Variants in PALS1 observed in about 807,000 individuals in gnomAD.
PALS1 encodes the protein protein PALS1.
In PALS1, 31 loss-of-function variants were observed where a neutral mutation model predicts 78.9. The observed-to-expected ratio is 0.39, with a 90% CI of 0.30 to 0.53. The LOEUF is 0.53. Among genes scored for constraint, PALS1 ranks in the 20% least tolerant of loss-of-function variants. The pLI, the probability that PALS1 is intolerant of heterozygous loss-of-function variation, is 0.67. For missense variants in PALS1, 704 were observed against 826.5 expected (o/e 0.85, Z 1.82); for synonymous variants, 276 against 270.9 (o/e 1.02, Z -0.18).
At chr14:67,267,320 G>A (rs1206617044) in intron 1 of PALS1, among the ~76,000 whole-genome samples, 4 of 151,902 alleles carry the variant, frequency 2.6e-5, no homozygotes, top group African/African-American at 9.7e-5. Flanking sequence ...GTGCAATGGT[G>A]CAATCTTGGC....
chr14:67,313,561 A>G (rs1046919126), intron 9 of PALS1, among the ~76,000 whole-genome samples: 1 of 152,182 alleles, frequency 6.6e-6, no homozygotes, highest in Non-Finnish European at 1.5e-5. Flanking sequence ...AAGAAAGGAG[A>G]GCAGAACTAA....
intron 1 of PALS1, among the ~76,000 whole-genome samples, chr14:67,259,515 G>A (rs1595566159): frequency 6.6e-6 from 1 of 152,222 alleles, no homozygotes; most frequent in East Asian, 1.9e-4. Flanking sequence ...AGGAGGCTGA[G>A]GCAGGAGAAT....
At position 67,334,770 on chromosome 14, in the gene PALS1, A is replaced by G. The variant is rs557098745; in HGVS notation, c.*1814A>G. ...AGAGCCAGGAAATTTCACAGGTCAC[A>G]CCGATTTTTAGCATTAAAAACTAAG... On this transcript the variant is annotated 3_prime_UTR_variant, in exon 15 of 15. Coordinates refer to ENST00000261681, the MANE Select transcript of PALS1 (RefSeq NM_022474.4). 1 of 152,326 alleles carries G rather than the reference A, an allele frequency of 6.6e-6. No homozygotes were observed. The highest frequency in any genetic ancestry group is 2.4e-5 in the African/African-American group (1 of 41,582). 9.4% of individuals were successfully genotyped at this position (152,326 alleles called of 1,614,324 possible).
chr14:67,258,114 G>A lies in PALS1; in HGVS notation c.-236-11587G>A, dbSNP rs117661786. On this transcript the variant is annotated intron_variant, in intron 1 of 14. Transcript: ENST00000261681. ...TAAATATTCAAATTTAATGCAGCAC[G>A]TATTGAGTTTCTAATATGAGCATAC... is the stretch of plus-strand genomic sequence containing the variant. 4.3e-3 allele frequency among the ~76,000 whole-genome samples: 657 copies of A among 151,934 alleles called. 19 individuals are homozygous for A. In the East Asian group the frequency reaches 0.057, roughly 13 times the overall value.
chr14:67,321,084 A>T lies in PALS1; in HGVS notation c.1565A>T (p.Glu522Val), dbSNP rs1490494750. The T allele has an allele frequency of 2.5e-6, 4 of 1,614,002 alleles. No individual in the cohort carries two copies. Among genetic ancestry groups the T allele is most frequent in the Admixed American group, 3.3e-5 (2 of 59,992 alleles). ...PHTTRSRRDQ[E>V]VAGRDYHFVS... Reference sequence around the variant, plus strand: ...ACAACCCGGAGTAGGCGAGACCAAGAAGTAGCCGGTAGAGATTACCACTTT... The same window carrying T: ...ACAACCCGGAGTAGGCGAGACCAAGTAGTAGCCGGTAGAGATTACCACTTT... The change falls in exon 13 of 15, where the codon GAA becomes GTA. Residue 522 changes from glutamate to valine, a missense_variant. Physicochemically the swap from Glu to Val is moderately radical, Grantham distance 121. Transcript: ENST00000261681.
intron 12 of PALS1, among the ~76,000 whole-genome samples, 198 bp downstream of exon 12, chr14:67,320,595 T>C (rs751612740): frequency 6.6e-6 from 1 of 152,216 alleles, no homozygotes; most frequent in Non-Finnish European, 1.5e-5. Context: ...CCTTCAAGTA[T>C]GTACTGATTA....
chr14:67,263,871 T>C (rs1413084639), intron 1 of PALS1, among the ~76,000 whole-genome samples: 2 of 152,200 alleles, frequency 1.3e-5, no homozygotes, highest in African/African-American at 4.8e-5. Flanking sequence ...TCTTGTCCTC[T>C]GTAAAATAGG....
At chr14:67,314,296 C>G (rs901183075) in intron 9 of PALS1, among the ~76,000 whole-genome samples, 3 of 152,198 alleles carry the variant, frequency 2.0e-5, no homozygotes, top group Admixed American at 1.3e-4. Flanking sequence ...TAAGGAATCT[C>G]TTTTATCTCT....
intron 14 of PALS1, among the ~76,000 whole-genome samples, chr14:67,329,542 C>T (rs1413210652): frequency 6.6e-6 from 1 of 152,138 alleles, no homozygotes; most frequent in African/African-American, 2.4e-5. Context: ...GAGAGGGCAT[C>T]CCTGTCTTGC....
chr14:67,292,682 T>C lies in PALS1; in HGVS notation c.539T>C (p.Phe180Ser). 1 of 1,613,692 alleles carries C rather than the reference T, an allele frequency of 6.2e-7. No homozygotes were observed. Among genetic ancestry groups the C allele is most frequent in the Non-Finnish European group, 8.5e-7 (1 of 1,179,746 alleles). The change falls in exon 4 of 15, where the codon TTT becomes TCT. Residue 180 changes from phenylalanine (F) to serine (S), a missense_variant. Transcript: ENST00000261681. Reference protein sequence around the residue: ...TVHMNKASPPFPLISNAQDLA... With the variant: ...TVHMNKASPPSPLISNAQDLA... ...CACATGAACAAGGCCAGTCCTCCAT[T>C]TCCTCTTATCTCCAACGCACAAGAT...
intron 2 of PALS1, chr14:67,271,221 C>A (rs1245927576): frequency 1.3e-5 from 2 of 152,164 alleles, no homozygotes; most frequent in Non-Finnish European, 2.9e-5. Context: ...TCTACAGTTA[C>A]CTTGAAATTA....
chr14:67,317,429 A>C lies in PALS1; in HGVS notation c.1319A>C (p.Lys440Thr). Residue 440 changes from lysine (K) to threonine (T), a missense_variant, in exon 11 of 15, where the codon AAG becomes ACG. By Grantham distance (78) the Lys-to-Thr change is moderately conservative. Coordinates refer to ENST00000261681, the MANE Select transcript of PALS1 (RefSeq NM_022474.4). ...EKSGKLWCAK[K>T]NKKKRKKVLY... Reference sequence around the variant, plus strand: ...ACAGGAAAACTGTGGTGTGCAAAGAAGAATAAAAAGAAGAGGAAAAAGGTT... The same window carrying C: ...ACAGGAAAACTGTGGTGTGCAAAGACGAATAAAAAGAAGAGGAAAAAGGTT... 6.2e-7 allele frequency: 1 copy of C among 1,612,522 alleles called. No homozygotes were observed. The highest frequency in any genetic ancestry group is 8.5e-7 in the Non-Finnish European group (1 of 1,178,964).
chr14:67,300,241 A>G (rs892846086), intron 4 of PALS1, among the ~76,000 whole-genome samples: 3 of 152,120 alleles, frequency 2.0e-5, no homozygotes, highest in African/African-American at 7.2e-5. Context: ...TCCCAAAATT[A>G]TCATCTCTTG....
At chr14:67,296,416 T>C (rs56918786) in intron 4 of PALS1, among the ~76,000 whole-genome samples, 23,423 of 151,470 alleles carry the variant, frequency 0.15, 3,387 homozygotes, top group East Asian at 0.41. Flanking sequence ...CTGGCTAACA[T>C]GGTGAAATGC....
chr14:67,301,936 C>T, intron 5 of PALS1, 36 bp from the exon 6 acceptor site: 1 of 1,569,468 alleles, frequency 6.4e-7, no homozygotes, highest in Non-Finnish European at 8.6e-7. Context: ...ATAAATCATG[C>T]TGTTACTTAA....
At chr14:67,269,482 T>G (rs529566201) in intron 1 of PALS1, among the ~76,000 whole-genome samples, 1 of 152,134 alleles carries the variant, frequency 6.6e-6, no homozygotes, top group Non-Finnish European at 1.5e-5. Flanking sequence ...CCATTTGACA[T>G]TCCTAACAGC....
intron 9 of PALS1, among the ~76,000 whole-genome samples, chr14:67,316,025 A>G (rs1050785269): frequency 6.6e-6 from 1 of 152,260 alleles, no homozygotes; most frequent in Non-Finnish European, 1.5e-5. Context: ...TCTACAGATT[A>G]TCCCCACCTA....
At chr14:67,322,865 G>A (rs1595616725) in intron 13 of PALS1, among the ~76,000 whole-genome samples, 1 of 152,272 alleles carries the variant, frequency 6.6e-6, no homozygotes, top group Non-Finnish European at 1.5e-5. Context: ...AGCACACACA[G>A]TCATGCATTG....
intron 9 of PALS1, among the ~76,000 whole-genome samples, chr14:67,315,337 C>T (rs1367783139): frequency 7.7e-6 from 1 of 129,134 alleles, no homozygotes; most frequent in Non-Finnish European, 1.5e-5. Flanking sequence ...AGTGCAGTGG[C>T]ATGATCTCAG....
Sources: allele counts gnomAD v4.1 joint callset (sites outside exome capture counted in the v4.1 genomes callset), GRCh38; gene constraint gnomAD v4.1.1; transcripts MANE v1.5; gene names NCBI Gene and HGNC (gene_info 2026-07-23, HGNC 2026-07-21).